The following PHF24 variants were observed in gnomAD, a reference collection of about 807,000 sequenced individuals.
PHF24 encodes Galpha inhibitory interacting protein.
In PHF24, 25 loss-of-function variants were observed where a neutral mutation model predicts 42.6. The observed-to-expected ratio is 0.59, with a 90% CI of 0.43 to 0.82. PHF24 has a LOEUF of 0.82. Among genes scored for constraint, PHF24 ranks in the 40% least tolerant of loss-of-function variants. The pLI is 0.00. For synonymous variants in PHF24, 185 were observed against 204.8 expected (o/e 0.90, Z 0.83); for missense variants, 470 against 538.1 (o/e 0.87, Z 1.25).
the PHF24 span, chr9:34,690,963 A>G: frequency 1.3e-6 from 1 of 795,128 alleles, no homozygotes; most frequent in South Asian, 1.8e-5. Context: ...TCACCGAAAT[A>G]TACAGACCTA....
At chr9:34,778,590 C>A in the PHF24 span, among the ~76,000 whole-genome samples, 4 of 151,994 alleles carry the variant, frequency 2.6e-5, no homozygotes, top group African/African-American at 9.7e-5. Flanking sequence ...TAAATGTATG[C>A]GTATTTATAC....
At chr9:34,843,832 AAAATGTTGGGATT>A in the PHF24 span, among the ~76,000 whole-genome samples, 11 of 152,124 alleles carry the variant, frequency 7.2e-5, no homozygotes, top group South Asian at 2.3e-3. Flanking sequence ...TCAGCCTCTG[AAAATGTTGGGATT>A]ACAGGTGTGA....
the PHF24 span, among the ~76,000 whole-genome samples, chr9:34,797,562 T>C: frequency 2.7e-4 from 41 of 152,306 alleles, no homozygotes; most frequent in Admixed American, 5.2e-4. Flanking sequence ...CTCTGCCTTA[T>C]TCCACCAGTC....
chr9:34,909,848 T>TCC, the PHF24 span, among the ~76,000 whole-genome samples: 2 of 152,168 alleles, frequency 1.3e-5, no homozygotes, highest in South Asian at 4.1e-4. Context: ...GGTCTGGATC[T>TCC]CATCTTCTGA....
exon 8 of PHF24, chr9:34,979,030 A>C (rs970901919): frequency 6.6e-6 from 1 of 152,176 alleles, no homozygotes; most frequent in Non-Finnish European, 1.5e-5. Context: ...TGCTTCACCC[A>C]AGTCACCGAC....
At chr9:34,774,749 G>T in the PHF24 span, among the ~76,000 whole-genome samples, 2 of 152,094 alleles carry the variant, frequency 1.3e-5, no homozygotes, top group African/African-American at 2.4e-5. Context: ...CTCCAGCCTA[G>T]GCGACAAGAG....
the PHF24 span, among the ~76,000 whole-genome samples, chr9:34,943,176 G>T: frequency 4.6e-5 from 7 of 152,112 alleles, no homozygotes; most frequent in Non-Finnish European, 1.0e-4. Flanking sequence ...CCCACCCAGG[G>T]ATGTGGTACT....
At chr9:34,848,679 G>T in the PHF24 span, among the ~76,000 whole-genome samples, 147,486 of 151,324 alleles carry the variant, frequency 0.97, 71,987 homozygotes, top group Middle Eastern at 1. Flanking sequence ...TCTAGTTCTT[G>T]TAATTGTGAT....
At chr9:34,687,305 G>A in the PHF24 span, among the ~76,000 whole-genome samples, 1 of 152,146 alleles carries the variant, frequency 6.6e-6, no homozygotes, top group South Asian at 2.1e-4. Context: ...CCCAGGGAGA[G>A]TTTTCTGTAT....
exon 2 of PHF24, chr9:34,971,585 C>T: frequency 6.2e-7 from 1 of 1,614,066 alleles, no homozygotes; most frequent in Non-Finnish European, 8.5e-7. Context: ...TTTGACAGGA[C>T]AAGTCGATTC....
chr9:34,949,110 C>A, the PHF24 span, among the ~76,000 whole-genome samples: 1 of 152,104 alleles, frequency 6.6e-6, no homozygotes, highest in Non-Finnish European at 1.5e-5. Flanking sequence ...ATCAATAGAA[C>A]AAGTATATAG....
chr9:34,880,211 G>A, the PHF24 span, among the ~76,000 whole-genome samples: 91 of 152,218 alleles, frequency 6.0e-4, no homozygotes, highest in African/African-American at 2.1e-3. Context: ...CACTAAACAT[G>A]GAAAGGAACA....
the PHF24 span, among the ~76,000 whole-genome samples, chr9:34,881,576 T>C: frequency 6.6e-6 from 1 of 152,124 alleles, no homozygotes; most frequent in Admixed American, 6.6e-5. Flanking sequence ...GAGAATACTA[T>C]AAACACCTCT....
At chr9:34,690,423 C>CGTGTGTGTGTGTGTGTGT in the PHF24 span, 2 of 913,262 alleles carry the variant, frequency 2.2e-6, 1 homozygote, top group South Asian at 3.2e-5. Context: ...ATTGAGGACA[C>CGTGTGTGTGTGTGTGTGT]CTGTGTGTGT....
chr9:34,716,854 C>A, the PHF24 span, among the ~76,000 whole-genome samples: 2 of 152,178 alleles, frequency 1.3e-5, no homozygotes, highest in Non-Finnish European at 2.9e-5. Flanking sequence ...AGCGATCTGC[C>A]CACCTCAGCC....
the PHF24 span, among the ~76,000 whole-genome samples, chr9:34,742,091 T>C: frequency 1.3e-5 from 2 of 152,112 alleles, no homozygotes; most frequent in Non-Finnish European, 2.9e-5. Context: ...AAAATCACAA[T>C]TGAAATGCCC....
the PHF24 span, among the ~76,000 whole-genome samples, chr9:34,911,197 T>A: frequency 6.6e-6 from 1 of 152,178 alleles, no homozygotes; most frequent in African/African-American, 2.4e-5. Context: ...AAAAAAAAAC[T>A]ATAAAGTTGT....
At chr9:34,666,552 A>AATT in the PHF24 span, among the ~76,000 whole-genome samples, 1 of 132,610 alleles carries the variant, frequency 7.5e-6, no homozygotes, top group Admixed American at 7.6e-5. Flanking sequence ...TCTTCTTGTG[A>AATT]TTTTTTTTTT....
chr9:34,732,542 A>G, the PHF24 span, among the ~76,000 whole-genome samples: 1 of 151,972 alleles, frequency 6.6e-6, no homozygotes, highest in East Asian at 1.9e-4. Flanking sequence ...TAGTTTGTAA[A>G]TATATTTTCT....
Sources: gnomAD v4.1 joint callset for allele counts (sites outside exome capture counted in the v4.1 genomes callset) on GRCh38, gnomAD v4.1.1 for gene constraint, MANE v1.5 for transcripts, NCBI Gene and HGNC (gene_info 2026-07-23, HGNC 2026-07-21) for gene names.